Variants in IMMP2L observed in about 807,000 individuals in gnomAD.
IMMP2L encodes mitochondrial inner membrane protease subunit 2.
Under a neutral mutation model 19.3 loss-of-function variants are expected in IMMP2L, and 18 were observed. The ratio of observed to expected loss-of-function variants is 0.93; its 90% CI spans 0.64 to 1.38. The LOEUF (loss-of-function observed/expected upper bound fraction) is 1.38. IMMP2L is among the 40% of genes most tolerant of loss of function. The pLI is 0.00. For missense variants in IMMP2L, 233 were observed against 218.2 expected, an observed-to-expected ratio of 1.07 and a Z score of -0.43; for synonymous variants, 76 against 73.0, an observed-to-expected ratio of 1.04 and a Z score of -0.21.
chr7:110,919,914 C>A (rs1039420479), intron 4 of IMMP2L, among the ~76,000 whole-genome samples: 1 of 152,092 alleles, frequency 6.6e-6, no homozygotes, highest in African/African-American at 2.4e-5. Flanking sequence ...TTGCTGCCAG[C>A]TTGGCTAGAA....
intron 3 of IMMP2L, among the ~76,000 whole-genome samples, chr7:111,088,370 T>A (rs1160636980): frequency 6.6e-6 from 1 of 152,160 alleles, no homozygotes; most frequent in Non-Finnish European, 1.5e-5. Flanking sequence ...ACAATGTAGG[T>A]AACATGTACA....
chr7:111,338,746 G>T (rs186327431), intron 3 of IMMP2L, among the ~76,000 whole-genome samples: 2 of 151,940 alleles, frequency 1.3e-5, no homozygotes, highest in Non-Finnish European at 2.9e-5. Context: ...AAGAAATCTA[G>T]GTTTGTAATT....
intron 3 of IMMP2L, among the ~76,000 whole-genome samples, chr7:111,258,368 G>A (rs1816953609): frequency 6.6e-6 from 1 of 151,984 alleles, no homozygotes; most frequent in Admixed American, 6.6e-5. Context: ...TATAAAATAT[G>A]TTCACAAGGT....
chr7:110,778,226 G>C (rs776066348), intron 5 of IMMP2L, among the ~76,000 whole-genome samples: 2 of 151,658 alleles, frequency 1.3e-5, no homozygotes, highest in Non-Finnish European at 2.9e-5. Context: ...TATCTAATAA[G>C]AAAAACAGAC....
In IMMP2L at chr7:110,728,754, T is replaced by C. The variant is rs955204653; in HGVS notation, c.409-65033A>G. Reference sequence around the variant, plus strand: ...TCCATGCACTGTACTATGGGTTCTGTGCATATTACCTCATTTGTTTCTCAC... The same window carrying C: ...TCCATGCACTGTACTATGGGTTCTGCGCATATTACCTCATTTGTTTCTCAC... On this transcript the variant is annotated intron_variant, in intron 5 of 5. Coordinates refer to ENST00000405709, the MANE Select transcript of IMMP2L (RefSeq NM_032549.4). This position sits in a 1 kb window ranked among gnomAD's most constrained non-coding sequence, Gnocchi z 4.6. 6.6e-6 allele frequency among the ~76,000 whole-genome samples: 1 copy of C among 152,166 alleles called. No homozygotes were observed. Among genetic ancestry groups the C allele is most frequent in the Non-Finnish European group, 1.5e-5 (1 of 68,026 alleles).
intron 3 of IMMP2L, among the ~76,000 whole-genome samples, chr7:111,324,326 G>T (rs1428747947): frequency 6.6e-6 from 1 of 151,818 alleles, no homozygotes; most frequent in African/African-American, 2.4e-5. Context: ...AAGAGGAAAA[G>T]AAATCTATTG....
intron 3 of IMMP2L, among the ~76,000 whole-genome samples, chr7:111,207,534 G>GTTTTTTTTTTTT (rs376864629): frequency 4.6e-4 from 41 of 90,100 alleles, no homozygotes; most frequent in East Asian, 1.1e-3. Context: ...TTTATTTTTG[G>GTTTTTTTTTTTT]TTTTTTTTTT....
chr7:111,033,878 T>C lies in IMMP2L; in HGVS notation c.240-70313A>G, dbSNP rs10240323. Among the ~76,000 whole-genome samples the C allele has an allele frequency of 9.8e-3, 1,496 of 152,194 alleles. 22 individuals are homozygous for C. The highest frequency in any genetic ancestry group is 0.033 in the African/African-American group (1,385 of 41,524). ...AAAGGCCCATCAACAGATTAACAGA[T>C]AAATAAATAGTGGTAATATCCATAT... On this transcript the variant is annotated intron_variant, in intron 3 of 5. Transcript: ENST00000405709.
chr7:110,715,792 A>G (rs2130735069), intron 5 of IMMP2L, among the ~76,000 whole-genome samples: 1 of 152,234 alleles, frequency 6.6e-6, no homozygotes, highest in Middle Eastern at 3.4e-3. Context: ...ATCAAACTTA[A>G]GTTTAAAGTT....
intron 3 of IMMP2L, among the ~76,000 whole-genome samples, chr7:111,058,547 T>C (rs1793721235): frequency 6.6e-6 from 1 of 152,230 alleles, no homozygotes; most frequent in Admixed American, 6.5e-5. Flanking sequence ...TATATTATTA[T>C]TTTAAAATGA....
intron 5 of IMMP2L, among the ~76,000 whole-genome samples, chr7:110,854,827 AT>A (rs1249376241): frequency 2.0e-5 from 3 of 151,988 alleles, no homozygotes; most frequent in Admixed American, 2.0e-4. Context: ...AGACTATAAT[AT>A]TCTGGAATTC....
At chr7:110,895,505 C>G (rs1394862492) in intron 4 of IMMP2L, among the ~76,000 whole-genome samples, 1 of 152,126 alleles carries the variant, frequency 6.6e-6, no homozygotes, top group Non-Finnish European at 1.5e-5. Context: ...TTTGGCTATT[C>G]TAAGTCCTCT....
chr7:111,228,764 A>T (rs1349945915), intron 3 of IMMP2L, among the ~76,000 whole-genome samples: 1 of 152,158 alleles, frequency 6.6e-6, no homozygotes, highest in Non-Finnish European at 1.5e-5. Context: ...ATTTAAATAT[A>T]GCATATCCTA....
At chr7:111,185,819 T>C (rs1312071962) in intron 3 of IMMP2L, among the ~76,000 whole-genome samples, 1 of 152,188 alleles carries the variant, frequency 6.6e-6, no homozygotes, top group East Asian at 1.9e-4. Flanking sequence ...TATGAGTAAT[T>C]AGCTTGCTTA....
chr7:111,544,722 A>G (rs560317465), intron 1 of IMMP2L, among the ~76,000 whole-genome samples: 2 of 152,234 alleles, frequency 1.3e-5, no homozygotes, highest in African/African-American at 4.8e-5. Context: ...CAGCAAAATA[A>G]GGTGAGAGAA....
In IMMP2L at chr7:111,448,338, C is replaced by A. The variant is rs565436338; in HGVS notation, c.239+38900G>T. ...GCTCTCCTCAGCAAATGTAAAAGAA[C>A]AGAAATTATAACAAACTATCTCTCA... On this transcript the variant is annotated intron_variant, in intron 3 of 5. Coordinates refer to ENST00000405709, the MANE Select transcript of IMMP2L (RefSeq NM_032549.4). Among the ~76,000 whole-genome samples, 14 of 148,306 alleles carry A rather than the reference C, an allele frequency of 9.4e-5. No individual in the cohort carries two copies. The South Asian group carries it at 2.6e-3, about 28-fold the overall frequency.
At chr7:111,466,905 T>C (rs1267507369) in intron 3 of IMMP2L, among the ~76,000 whole-genome samples, 3 of 152,162 alleles carry the variant, frequency 2.0e-5, no homozygotes, top group Admixed American at 6.5e-5. Context: ...ATGATGTCCA[T>C]AGGTTATATG....
chr7:110,784,674 T>C (rs1389879213), intron 5 of IMMP2L, among the ~76,000 whole-genome samples: 1 of 151,964 alleles, frequency 6.6e-6, no homozygotes, highest in Non-Finnish European at 1.5e-5. Flanking sequence ...CTCCAATTCA[T>C]GCAGTGGTCT....
At chr7:111,085,874 A>T (rs1288057659) in intron 3 of IMMP2L, among the ~76,000 whole-genome samples, 1 of 152,182 alleles carries the variant, frequency 6.6e-6, no homozygotes, top group East Asian at 1.9e-4. Flanking sequence ...TCCTTAGCAA[A>T]CTAATGCAGG....
Sources: gnomAD v4.1 joint callset for allele counts (sites outside exome capture counted in the v4.1 genomes callset) on GRCh38, gnomAD v4.1.1 for gene constraint, Gnocchi (gnomAD v3.1) non-coding constraint, MANE v1.5 for transcripts, NCBI Gene and HGNC (gene_info 2026-07-23, HGNC 2026-07-21) for gene names.